The following COP1 variants were observed in gnomAD, a reference collection of about 807,000 sequenced individuals.
COP1 encodes E3 ubiquitin-protein ligase COP1.
Under a neutral mutation model 101.3 loss-of-function variants are expected in COP1, and 24 were observed. The ratio of observed to expected loss-of-function variants is 0.24; its 90% CI spans 0.17 to 0.33. COP1 has a LOEUF of 0.33. Ranked by LOEUF, COP1 falls within the 10% of genes least tolerant of loss-of-function variation. The pLI, the probability that COP1 is intolerant of heterozygous loss-of-function variation, is 1.00. For synonymous variants in COP1, 347 were observed against 341.9 expected (o/e 1.01, Z -0.17); for missense variants, 663 against 906.2 (o/e 0.73, Z 3.45).
At chr1:176,031,338 A>G (rs568670089) in intron 14 of COP1, among the ~76,000 whole-genome samples, 1 of 152,328 alleles carries the variant, frequency 6.6e-6, no homozygotes, top group South Asian at 2.1e-4. Flanking sequence ...GAAATCAAGT[A>G]TGAGAAGAAA....
chr1:176,016,821 GCATT>G (rs1665748447), intron 15 of COP1, among the ~76,000 whole-genome samples: 1 of 151,874 alleles, frequency 6.6e-6, no homozygotes, highest in African/African-American at 2.4e-5. Flanking sequence ...ACTTAAATCA[GCATT>G]CATTGTTTCA....
chr1:176,172,697 G>A (rs1012242378), intron 3 of COP1, among the ~76,000 whole-genome samples: 10 of 152,164 alleles, frequency 6.6e-5, no homozygotes, highest in Admixed American at 1.3e-4. Context: ...AAATCATGCC[G>A]TCTTAAGCTG....
At chr1:175,951,827 T>TA (rs1649959638) in intron 18 of COP1, among the ~76,000 whole-genome samples, 1 of 152,070 alleles carries the variant, frequency 6.6e-6, no homozygotes, top group Non-Finnish European at 1.5e-5. Flanking sequence ...ATATGCAACC[T>TA]AATAAATGTA....
intron 11 of COP1, among the ~76,000 whole-genome samples, chr1:176,058,660 C>A (rs1200534180): frequency 6.6e-6 from 1 of 151,776 alleles, no homozygotes; most frequent in Non-Finnish European, 1.5e-5. Flanking sequence ...AACCAGAGAC[C>A]TTTGTTCACT....
intron 10 of COP1, among the ~76,000 whole-genome samples, chr1:176,084,765 G>T (rs1193406812): frequency 6.6e-6 from 1 of 152,010 alleles, no homozygotes; most frequent in Non-Finnish European, 1.5e-5. Flanking sequence ...TAGGATCTAA[G>T]CAATATGTAG....
At chr1:176,016,670 A>G (rs1665705176) in intron 15 of COP1, among the ~76,000 whole-genome samples, 2 of 152,084 alleles carry the variant, frequency 1.3e-5, no homozygotes, top group Admixed American at 6.5e-5. Flanking sequence ...TTCAAAAACT[A>G]TTTTGTATGG....
At chr1:176,079,526 T>C (rs1280643632) in intron 11 of COP1, among the ~76,000 whole-genome samples, 5 of 151,798 alleles carry the variant, frequency 3.3e-5, no homozygotes, top group Non-Finnish European at 5.9e-5. Context: ...AAAACACTTG[T>C]TGTGTACCTA....
intron 9 of COP1, among the ~76,000 whole-genome samples, chr1:176,108,617 G>A (rs551077329): frequency 6.6e-6 from 1 of 151,806 alleles, no homozygotes; most frequent in East Asian, 1.9e-4. Context: ...GCAAGTAATA[G>A]TAATTCCATT....
chr1:176,094,162 T>G (rs1572192311), intron 9 of COP1, among the ~76,000 whole-genome samples: 2 of 152,186 alleles, frequency 1.3e-5, no homozygotes, highest in Non-Finnish European at 2.9e-5. Flanking sequence ...AACACTGTTT[T>G]GTTTTACTTA....
intron 6 of COP1, among the ~76,000 whole-genome samples, chr1:176,143,606 A>T (rs1691082586): frequency 6.6e-6 from 1 of 152,104 alleles, no homozygotes; most frequent in Non-Finnish European, 1.5e-5. Context: ...AACAAAATAT[A>T]AGCAAACCAA....
intron 15 of COP1, among the ~76,000 whole-genome samples, chr1:175,997,573 G>C (rs371173662): frequency 8.0e-4 from 121 of 151,180 alleles, no homozygotes; most frequent in Middle Eastern, 3.4e-3. Context: ...ACAACCCCAT[G>C]AAAAAGTGGG....
intron 5 of COP1, among the ~76,000 whole-genome samples, chr1:176,151,198 G>A (rs766876655): frequency 4.7e-5 from 7 of 149,668 alleles, no homozygotes; most frequent in East Asian, 3.9e-4. Flanking sequence ...TCCCATTTTC[G>A]GATAAGGAAG....
rs368879009 is a variant in COP1, at chr1:175,972,760, C to T, written c.2133+14183G>A. ...AAACTACAGGTGTAAGCCACTGCTCCCAGCCAAAAATGACAAGAATTTCTA... is the reference window on the plus strand; with the variant it reads ...AAACTACAGGTGTAAGCCACTGCTCTCAGCCAAAAATGACAAGAATTTCTA... On this transcript the variant is annotated intron_variant, in intron 18 of 19. Transcript: ENST00000367669. Among the ~76,000 whole-genome samples, 8 of 152,094 alleles carry T rather than the reference C, an allele frequency of 5.3e-5. No homozygotes were observed. The East Asian group carries it at 9.7e-4, about 18-fold the overall frequency.
At chr1:176,204,853 G>T (rs560978630) in intron 1 of COP1, among the ~76,000 whole-genome samples, 16 of 152,272 alleles carry the variant, frequency 1.1e-4, no homozygotes, top group African/African-American at 3.9e-4. Flanking sequence ...GCTTGAACCC[G>T]GGAGGCGGGG....
At chr1:175,964,136 A>G (rs907488058) in intron 18 of COP1, among the ~76,000 whole-genome samples, 1 of 152,172 alleles carries the variant, frequency 6.6e-6, no homozygotes, top group Non-Finnish European at 1.5e-5. Flanking sequence ...GAGGCACAGA[A>G]AGGTTAAATA....
chr1:176,086,227 C>CTTT lies in COP1; in HGVS notation c.1027-340_1027-338dup, dbSNP rs11428035. 9.3e-4 allele frequency among the ~76,000 whole-genome samples: 125 copies of CTTT among 135,046 alleles called. 3 individuals are homozygous for CTTT. Among genetic ancestry groups the CTTT allele is most frequent in the African/African-American group, 3.0e-3 (110 of 36,528 alleles). The allele number at this position is 135,046 out of a possible 152,430, so 88.6% of individuals were successfully genotyped here. On this transcript the variant is annotated intron_variant, in intron 9 of 19. Coordinates refer to ENST00000367669, the MANE Select transcript of COP1 (RefSeq NM_022457.7). Reference sequence around the variant, plus strand: ...AAAATTTAGAATTTTGGGAATCTTTCTTTTTTTTTTTTTTTTGAGATGGAG... The same window carrying CTTT: ...AAAATTTAGAATTTTGGGAATCTTTCTTTTTTTTTTTTTTTTTTTGAGATGGAG...
At chr1:175,973,823 A>G (rs1653853493) in intron 18 of COP1, among the ~76,000 whole-genome samples, 1 of 152,230 alleles carries the variant, frequency 6.6e-6, no homozygotes. Context: ...GCATTATCAT[A>G]TGTAACAAAC....
At position 176,057,122 on chromosome 1, in the gene COP1, T is replaced by G. The variant is rs142639388; in HGVS notation, c.1278-10798A>C. Among the ~76,000 whole-genome samples the G allele has an allele frequency of 2.6e-3, 400 of 152,368 alleles. 3 individuals are homozygous for G. Among genetic ancestry groups the G allele is most frequent in the African/African-American group, 9.2e-3 (382 of 41,592 alleles). ...CTACCCCTGCGTTTCCAATATTTGC[T>G]GAACATTCCAAACTTACTAATTATA... On this transcript the variant is annotated intron_variant, in intron 11 of 19. Transcript: ENST00000367669.
intron 8 of COP1, among the ~76,000 whole-genome samples, chr1:176,119,189 A>G (rs1324141821): frequency 3.3e-5 from 5 of 152,222 alleles, no homozygotes; most frequent in Admixed American, 1.3e-4. Context: ...AGAGACTAAG[A>G]GGACTGAAAG....
Sources: gnomAD v4.1 joint callset for allele counts (sites outside exome capture counted in the v4.1 genomes callset) on GRCh38, gnomAD v4.1.1 for gene constraint, MANE v1.5 for transcripts, NCBI Gene and HGNC (gene_info 2026-07-23, HGNC 2026-07-21) for gene names.